Variants in KIAA1217 observed in about 807,000 individuals in gnomAD.
KIAA1217 encodes KIAA1217, also known as sickle tail protein homolog.
In KIAA1217, 88 loss-of-function variants were observed where a neutral mutation model predicts 163.9. The ratio of observed to expected loss-of-function variants is 0.54; its 90% CI spans 0.45 to 0.64. The LOEUF (loss-of-function observed/expected upper bound fraction) is 0.64. Among genes scored for constraint, KIAA1217 ranks in the 30% least tolerant of loss-of-function variants. The probability of loss-of-function intolerance (pLI) is 0.00; values close to 1 mark genes in which losing one functional copy is unlikely to be tolerated. For missense variants in KIAA1217, 2,372 were observed against 2,475.0 expected (o/e 0.96, Z 0.88); for synonymous variants, 903 against 923.1 (o/e 0.98, Z 0.39).
intron 1 of KIAA1217, among the ~76,000 whole-genome samples, chr10:23,937,624 A>C (rs960869479): frequency 4.6e-5 from 7 of 152,200 alleles, no homozygotes; most frequent in Non-Finnish European, 7.3e-5. Flanking sequence ...AAGAGGCTCC[A>C]TAGAACGGCC....
intron 1 of KIAA1217, among the ~76,000 whole-genome samples, chr10:23,860,355 A>C (rs1010207591): frequency 2.0e-5 from 3 of 151,800 alleles, no homozygotes; most frequent in Non-Finnish European, 4.4e-5. Context: ...CTTCTAACCT[A>C]CTTGGAAACT....
intron 1 of KIAA1217, among the ~76,000 whole-genome samples, chr10:23,898,121 T>C (rs1841785671): frequency 6.6e-6 from 1 of 151,980 alleles, no homozygotes; most frequent in South Asian, 2.1e-4. Flanking sequence ...ACTCATATTT[T>C]ACTGAACAAG....
chr10:24,319,116 G>A (rs1333547395), intron 2 of KIAA1217, among the ~76,000 whole-genome samples: 3 of 152,116 alleles, frequency 2.0e-5, no homozygotes, highest in East Asian at 1.9e-4. Flanking sequence ...GGTGGCTCAC[G>A]CCTGTAATCC....
At chr10:24,223,458 A>G (rs1372139040) in intron 2 of KIAA1217, among the ~76,000 whole-genome samples, 1 of 152,022 alleles carries the variant, frequency 6.6e-6, no homozygotes, top group Non-Finnish European at 1.5e-5. Flanking sequence ...CCTTCTCAGT[A>G]TGGACTATCC....
Position 23,725,473 on chromosome 10 carries a change from T to C in KIAA1217, c.-321+30239T>C, listed in dbSNP as rs866287480. Reference sequence around the variant, plus strand: ...CCCCCATCCTTTACAGGCTGTGATGTGGGTGAATGCTGATTCATGTGAAAT... The same window carrying C: ...CCCCCATCCTTTACAGGCTGTGATGCGGGTGAATGCTGATTCATGTGAAAT... On this transcript the variant is annotated intron_variant, in intron 1 of 18. Transcript: ENST00000376462. 2.4e-4 allele frequency among the ~76,000 whole-genome samples: 36 copies of C among 152,318 alleles called. No individual in the cohort carries two copies. In the Middle Eastern group the frequency reaches 0.01, roughly 43 times the overall value.
chr10:24,484,673 C>T (rs545553547), intron 6 of KIAA1217, among the ~76,000 whole-genome samples: 7 of 152,238 alleles, frequency 4.6e-5, no homozygotes, highest in Non-Finnish European at 7.4e-5. Context: ...AAGCCTCCCC[C>T]ACCTCAGCCT....
chr10:24,341,389 A>G, intron 2 of KIAA1217, among the ~76,000 whole-genome samples: 1 of 152,188 alleles, frequency 6.6e-6, no homozygotes, highest in East Asian at 1.9e-4. Context: ...TCCTAAAAAA[A>G]AAAAGACCTC....
At chr10:24,334,998 A>G (rs2046161896) in intron 2 of KIAA1217, among the ~76,000 whole-genome samples, 1 of 152,232 alleles carries the variant, frequency 6.6e-6, no homozygotes, top group South Asian at 2.1e-4. Flanking sequence ...TTACAGCATC[A>G]CTATTAATAG....
intron 1 of KIAA1217, among the ~76,000 whole-genome samples, chr10:23,811,653 C>T (rs1179824192): frequency 6.6e-6 from 1 of 151,936 alleles, no homozygotes; most frequent in Non-Finnish European, 1.5e-5. Flanking sequence ...AATGACTGCA[C>T]TCTTCCAAGC....
At chr10:24,192,188 A>T (rs2066753155) in intron 2 of KIAA1217, among the ~76,000 whole-genome samples, 1 of 152,042 alleles carries the variant, frequency 6.6e-6, no homozygotes, top group African/African-American at 2.4e-5. Flanking sequence ...AGTCACGCAG[A>T]AGTATGATTA....
chr10:24,538,562 GAGGGAGGAAGGAAGGAAGGA>G (rs1441309407), intron 17 of KIAA1217, among the ~76,000 whole-genome samples: 2 of 83,836 alleles, frequency 2.4e-5, no homozygotes, highest in Admixed American at 1.3e-4. Flanking sequence ...GGGAGGGAGG[GAGGGAGGAAGGAAGGAAGGA>G]AGGAAGGAAG....
At chr10:23,779,068 T>G (rs1401619909) in intron 1 of KIAA1217, among the ~76,000 whole-genome samples, 1 of 152,184 alleles carries the variant, frequency 6.6e-6, no homozygotes, top group African/African-American at 2.4e-5. Context: ...TCATTCAATG[T>G]TTTTATAAGA....
intron 2 of KIAA1217, among the ~76,000 whole-genome samples, chr10:24,272,882 T>C (rs1372925617): frequency 1.3e-5 from 2 of 152,198 alleles, no homozygotes; most frequent in African/African-American, 4.8e-5. Context: ...TGAAAAGTCT[T>C]AATGAAAAGA....
intron 1 of KIAA1217, among the ~76,000 whole-genome samples, chr10:23,820,432 T>G (rs1209366830): frequency 6.6e-6 from 1 of 152,236 alleles, no homozygotes; most frequent in Non-Finnish European, 1.5e-5. Context: ...TAATTAACAT[T>G]AACTGTGCTT....
intron 1 of KIAA1217, among the ~76,000 whole-genome samples, chr10:23,865,415 C>A (rs7071391): frequency 0.013 from 1,924 of 152,198 alleles, 57 homozygotes; most frequent in African/African-American, 0.044. Context: ...ATATTCCTTG[C>A]CCACTTTTCC....
rs965109914 is a variant in KIAA1217 at position 24,524,224 on chromosome 10, G to T, written c.2457-99G>T. 6.1e-5 allele frequency: 77 copies of T among 1,265,718 alleles called. No individual in the cohort carries two copies. The African/African-American group carries it at 9.6e-4, about 16-fold the overall frequency. 78.4% of individuals were successfully genotyped at this position (1,265,718 alleles called of 1,614,324 possible). A position where few individuals can be genotyped will look rare whatever the true frequency, so the allele number is the denominator to read the frequency against. The stretch of plus-strand genomic sequence containing the variant: ...AAGCGGCTACTCTGAGCTTTGGGAT[G>T]TGTGACTCTCACCTGGCTTTGGGAT... On this transcript the variant is annotated intron_variant, in intron 12 of 20. Transcript: ENST00000376454.
At chr10:24,181,439 T>C (rs2131950555) in intron 2 of KIAA1217, among the ~76,000 whole-genome samples, 1 of 152,136 alleles carries the variant, frequency 6.6e-6, no homozygotes, top group South Asian at 2.1e-4. Flanking sequence ...TCAACCTAAC[T>C]TGAGTCTCCA....
At chr10:24,210,611 A>T (rs1265050930) in intron 1 of KIAA1217, among the ~76,000 whole-genome samples, 3 of 152,156 alleles carry the variant, frequency 2.0e-5, no homozygotes, top group Admixed American at 6.5e-5. Context: ...AATCAGGGCA[A>T]TTCAGAGGCT....
Position 24,219,736 on chromosome 10 carries a change from C to A in KIAA1217, c.181C>A (p.Arg61Ser). Reference protein sequence around the residue: ...NSRGSVSKSSRNIPRRHTLGG... With the variant: ...NSRGSVSKSSSNIPRRHTLGG... Reference sequence around the variant, plus strand: ...TCGTGGTTCAGTTTCCAAGTCTTCCCGCAATATCCCAAGGAGACACACCCT... The same window carrying A: ...TCGTGGTTCAGTTTCCAAGTCTTCCAGCAATATCCCAAGGAGACACACCCT... Residue 61 changes from arginine to serine, a missense_variant, in exon 2 of 21, where the codon CGC becomes AGC. Physicochemically the swap from Arg to Ser is moderately radical, Grantham distance 110. Transcript: ENST00000376454. 1 of 1,613,948 alleles carries A rather than the reference C, an allele frequency of 6.2e-7. No homozygotes were observed. Among genetic ancestry groups the A allele is most frequent in the South Asian group, 1.1e-5 (1 of 91,082 alleles).
Sources: allele counts gnomAD v4.1 joint callset (sites outside exome capture counted in the v4.1 genomes callset), GRCh38; gene constraint gnomAD v4.1.1; transcripts MANE v1.5; gene names NCBI Gene and HGNC (gene_info 2026-07-23, HGNC 2026-07-21).